The following GPHN variants were observed in gnomAD, a reference collection of about 807,000 sequenced individuals.
The protein encoded by GPHN is gephyrin.
GPHN carries 17 observed loss-of-function variants against 95.5 expected under a neutral mutation model. The ratio of observed to expected loss-of-function variants is 0.18; its 90% CI spans 0.12 to 0.27. The LOEUF (loss-of-function observed/expected upper bound fraction) is 0.27, where lower values mean the gene tolerates loss of function less well. Ranked by LOEUF, GPHN falls within the 10% of genes least tolerant of loss-of-function variation. The probability of loss-of-function intolerance (pLI) is 1.00; values close to 1 mark genes in which losing one functional copy is unlikely to be tolerated. For synonymous variants in GPHN, 320 were observed against 322.5 expected (o/e 0.99, Z 0.08); for missense variants, 660 against 978.1 (o/e 0.67, Z 4.34).
chr14:66,945,105 C>T (rs77284113), intron 8 of GPHN, among the ~76,000 whole-genome samples: 1 of 152,128 alleles, frequency 6.6e-6, no homozygotes, highest in Non-Finnish European at 1.5e-5. Context: ...AAAAAAAACA[C>T]GTTCTTGTTA....
chr14:67,288,453 T>A, the GPHN span, among the ~76,000 whole-genome samples: 5 of 152,202 alleles, frequency 3.3e-5, no homozygotes, highest in African/African-American at 1.2e-4. Context: ...GCGCTTTGGG[T>A]GGACGAGGCA....
the GPHN span, among the ~76,000 whole-genome samples, chr14:67,479,535 T>C: frequency 1.3e-5 from 2 of 151,398 alleles, no homozygotes; most frequent in South Asian, 2.1e-4. Flanking sequence ...CTGGCCAACA[T>C]GGTGAAACCA....
At chr14:66,964,967 T>C (rs1392842078) in intron 8 of GPHN, among the ~76,000 whole-genome samples, 3 of 152,174 alleles carry the variant, frequency 2.0e-5, no homozygotes, top group Admixed American at 2.0e-4. Flanking sequence ...CTATACTGCC[T>C]CTCATATTAA....
the GPHN span, chr14:67,678,373 G>A: frequency 2.2e-5 from 36 of 1,613,956 alleles, no homozygotes; most frequent in South Asian, 3.8e-4. Flanking sequence ...CAGCCGCCTT[G>A]CTATAGTCTC....
intron 9 of GPHN, among the ~76,000 whole-genome samples, chr14:67,015,298 C>T (rs994727598): frequency 3.3e-5 from 5 of 152,080 alleles, no homozygotes; most frequent in African/African-American, 1.2e-4. Context: ...ATTTATATAA[C>T]AGTGGGAAAA....
At chr14:67,494,531 G>A in the GPHN span, among the ~76,000 whole-genome samples, 6 of 152,168 alleles carry the variant, frequency 3.9e-5, no homozygotes, top group African/African-American at 1.4e-4. Flanking sequence ...CTGAATTGGT[G>A]GTTATTGAAT....
At chr14:67,001,581 ATCTTTGAC>A (rs1383183599) in intron 9 of GPHN, among the ~76,000 whole-genome samples, 1 of 151,688 alleles carries the variant, frequency 6.6e-6, no homozygotes, top group African/African-American at 2.4e-5. Flanking sequence ...CTTGTTTTTC[ATCTTTGAC>A]ATTTAGTGTG....
intron 8 of GPHN, among the ~76,000 whole-genome samples, chr14:66,953,825 G>A (rs961583590): frequency 7.2e-5 from 11 of 152,110 alleles, no homozygotes; most frequent in Admixed American, 5.9e-4. Context: ...TTGAGGTCAG[G>A]CGTTTGAGAC....
chr14:66,916,150 C>A, intron 6 of GPHN, 81 bp downstream of exon 6: 1 of 875,492 alleles, frequency 1.1e-6, no homozygotes, highest in Non-Finnish European at 1.9e-6. Flanking sequence ...AAAGTTGGAG[C>A]ACTCCACAAG....
chr14:66,675,331 G>T (rs1386793999), intron 1 of GPHN, among the ~76,000 whole-genome samples: 1 of 151,994 alleles, frequency 6.6e-6, no homozygotes, highest in Non-Finnish European at 1.5e-5. Flanking sequence ...TTTTAGTAGA[G>T]ATGGGGTTTC....
At chr14:66,741,146 G>C (rs1411433934) in intron 2 of GPHN, among the ~76,000 whole-genome samples, 1 of 152,148 alleles carries the variant, frequency 6.6e-6, no homozygotes, top group Non-Finnish European at 1.5e-5. Flanking sequence ...CCCAACATTA[G>C]GGATTCAGTT....
At chr14:67,600,262 C>CGTCTCGCCCGCTCCGGT in the GPHN span, 14 of 1,415,002 alleles carry the variant, frequency 9.9e-6, no homozygotes, top group African/African-American at 1.2e-4. Flanking sequence ...CCGGCCCTGG[C>CGTCTCGCCCGCTCCGGT]CGTCTCGCCC....
chr14:67,241,555 G>A, the GPHN span: 1 of 153,196 alleles, frequency 6.5e-6, no homozygotes. Context: ...ATCGGCGGCG[G>A]CTGGGCTGTA....
the GPHN span, among the ~76,000 whole-genome samples, chr14:67,551,472 T>A: frequency 2.0e-5 from 3 of 152,060 alleles, no homozygotes; most frequent in Non-Finnish European, 2.9e-5. Flanking sequence ...ATATATATAT[T>A]TTTTACTGAT....
intron 2 of GPHN, among the ~76,000 whole-genome samples, chr14:66,716,813 G>T (rs1271634797): frequency 2.0e-5 from 3 of 152,154 alleles, no homozygotes; most frequent in Non-Finnish European, 4.4e-5. Flanking sequence ...GCTGAGAATT[G>T]TTTTGTTTGA....
intron 3 of GPHN, among the ~76,000 whole-genome samples, chr14:66,776,997 A>G (rs140418184): frequency 0.012 from 1,787 of 152,134 alleles, 18 homozygotes; most frequent in Non-Finnish European, 0.018. Flanking sequence ...CTAACTCGTC[A>G]TCTAGCTTAG....
At chr14:67,442,315 A>AC in the GPHN span, among the ~76,000 whole-genome samples, 12 of 152,080 alleles carry the variant, frequency 7.9e-5, no homozygotes, top group African/African-American at 2.9e-4. Context: ...GCCTACGTGC[A>AC]CCCGTTGGTT....
chr14:66,558,007 T>A (rs1194612534), intron 1 of GPHN, among the ~76,000 whole-genome samples: 1 of 152,164 alleles, frequency 6.6e-6, no homozygotes, highest in Non-Finnish European at 1.5e-5. Flanking sequence ...TTGATGTTTT[T>A]AAGTATATAA....
At chr14:67,358,533 C>T in the GPHN span, among the ~76,000 whole-genome samples, 1 of 151,992 alleles carries the variant, frequency 6.6e-6, no homozygotes, top group Non-Finnish European at 1.5e-5. Context: ...TCTGCTTCCT[C>T]ACTGAAAAGA....
Sources: gnomAD v4.1 joint callset for allele counts (sites outside exome capture counted in the v4.1 genomes callset) on GRCh38, gnomAD v4.1.1 for gene constraint, MANE v1.5 for transcripts, NCBI Gene and HGNC (gene_info 2026-07-23, HGNC 2026-07-21) for gene names.